The following GALNT13 variants were observed in gnomAD, a reference collection of about 807,000 sequenced individuals.
GALNT13 encodes the protein polypeptide N-acetylgalactosaminyltransferase 13.
GALNT13 carries 28 observed loss-of-function variants against 64.2 expected under a neutral mutation model. The ratio of observed to expected loss-of-function variants is 0.44; its 90% CI spans 0.32 to 0.60. The LOEUF is 0.60. Among genes scored for constraint, GALNT13 ranks in the 20% least tolerant of loss-of-function variants. The pLI is 0.05. For synonymous variants in GALNT13, 214 were observed against 224.6 expected (o/e 0.95, Z 0.42); for missense variants, 577 against 669.8 (o/e 0.86, Z 1.53).
At chr2:153,924,812 T>A (rs943476015) in intron 2 of GALNT13, among the ~76,000 whole-genome samples, 3 of 152,234 alleles carry the variant, frequency 2.0e-5, no homozygotes, top group African/African-American at 7.2e-5. Context: ...TAATGATCCG[T>A]GACGTTGAGC....
At chr2:154,343,564 C>A (rs759452697) in intron 9 of GALNT13, among the ~76,000 whole-genome samples, 1 of 152,028 alleles carries the variant, frequency 6.6e-6, no homozygotes, top group Non-Finnish European at 1.5e-5. Context: ...TTGAAACTTA[C>A]ATCAAGTCAG....
the GALNT13 span, among the ~76,000 whole-genome samples, chr2:153,780,683 A>C: frequency 6.6e-6 from 1 of 152,312 alleles, no homozygotes; most frequent in African/African-American, 2.4e-5. Flanking sequence ...ACTACAGAAT[A>C]CACAATGAAT....
chr2:154,123,223 G>C (rs1338427354), intron 3 of GALNT13, among the ~76,000 whole-genome samples: 1 of 151,992 alleles, frequency 6.6e-6, no homozygotes, highest in East Asian at 1.9e-4. Flanking sequence ...TGGGACTATG[G>C]TGAACAGAAA....
the GALNT13 span, among the ~76,000 whole-genome samples, chr2:153,625,631 A>C: frequency 6.6e-6 from 1 of 152,240 alleles, no homozygotes; most frequent in Non-Finnish European, 1.5e-5. Flanking sequence ...TTTTGGCTCC[A>C]TGCTCCAAGA....
At chr2:153,955,454 C>T (rs1430218551) in intron 3 of GALNT13, among the ~76,000 whole-genome samples, 1 of 151,996 alleles carries the variant, frequency 6.6e-6, no homozygotes. Context: ...TTGCCTTTCC[C>T]AAAATATGGA....
chr2:153,265,840 G>T, the GALNT13 span, among the ~76,000 whole-genome samples: 1 of 152,114 alleles, frequency 6.6e-6, no homozygotes, highest in Non-Finnish European at 1.5e-5. Flanking sequence ...TGACAACAAA[G>T]GATCTAGAAT....
chr2:154,361,402 A>G (rs1697060822), intron 9 of GALNT13, among the ~76,000 whole-genome samples: 1 of 152,108 alleles, frequency 6.6e-6, no homozygotes, highest in African/African-American at 2.4e-5. Flanking sequence ...TAGACGGTCT[A>G]TAATTCTTTC....
intron 4 of GALNT13, chr2:154,236,014 GATTT>G: frequency 8.4e-7 from 1 of 1,187,900 alleles, no homozygotes; most frequent in South Asian, 1.4e-5. Context: ...AGATCAGCTG[GATTT>G]ATTTTTTATA....
the GALNT13 span, among the ~76,000 whole-genome samples, chr2:153,296,892 A>G: frequency 6.6e-6 from 1 of 152,188 alleles, no homozygotes; most frequent in Non-Finnish European, 1.5e-5. Flanking sequence ...ATCACAGGAG[A>G]ACCAAGCAGT....
chr2:153,916,788 A>G lies in GALNT13; in HGVS notation c.-105+15781A>G, dbSNP rs142347899. 3.3e-4 allele frequency among the ~76,000 whole-genome samples: 50 copies of G among 152,334 alleles called. 2 individuals are homozygous for G. The Middle Eastern group carries it at 0.017, about 52-fold the overall frequency. ...AATGACTAATACAGATTGATAGAGT[A>G]CAAAGGCAACTAACCTTGTTTCTCT... On this transcript the variant is annotated intron_variant, in intron 2 of 12. Transcript: ENST00000392825.
chr2:153,814,268 G>A, the GALNT13 span, among the ~76,000 whole-genome samples: 3 of 151,842 alleles, frequency 2.0e-5, no homozygotes, highest in Non-Finnish European at 2.9e-5. Context: ...GTGAAACCCC[G>A]TCTCTACTAT....
At chr2:153,862,113 A>T in the GALNT13 span, among the ~76,000 whole-genome samples, 2 of 152,280 alleles carry the variant, frequency 1.3e-5, no homozygotes, top group South Asian at 4.1e-4. Context: ...AACTTTTCAA[A>T]TTCAATAATC....
the GALNT13 span, among the ~76,000 whole-genome samples, chr2:153,267,333 C>T: frequency 6.6e-6 from 1 of 152,310 alleles, no homozygotes; most frequent in East Asian, 1.9e-4. Flanking sequence ...CTGCATTGCC[C>T]TAGTAGAGGT....
the GALNT13 span, among the ~76,000 whole-genome samples, chr2:153,456,859 A>G: frequency 0.022 from 3,278 of 152,292 alleles, 103 homozygotes; most frequent in African/African-American, 0.074. Flanking sequence ...TGTCTGGATT[A>G]CACATGCGGA....
the GALNT13 span, among the ~76,000 whole-genome samples, chr2:153,485,392 AATT>A: frequency 2.0e-5 from 3 of 152,322 alleles, no homozygotes; most frequent in South Asian, 4.1e-4. Flanking sequence ...TCCAGAATTT[AATT>A]ATTATTTACA....
chr2:154,335,174 T>G (rs1695369525), intron 9 of GALNT13, among the ~76,000 whole-genome samples: 1 of 151,982 alleles, frequency 6.6e-6, no homozygotes, highest in Non-Finnish European at 1.5e-5. Context: ...CTTTATTTAC[T>G]TCTATGTGGT....
the GALNT13 span, among the ~76,000 whole-genome samples, chr2:153,226,186 C>A: frequency 6.6e-6 from 1 of 151,952 alleles, no homozygotes; most frequent in Non-Finnish European, 1.5e-5. Flanking sequence ...CCCACCTCAG[C>A]CTCCCAAAGT....
the GALNT13 span, among the ~76,000 whole-genome samples, chr2:153,116,075 A>G: frequency 6.6e-6 from 1 of 152,184 alleles, no homozygotes; most frequent in African/African-American, 2.4e-5. Flanking sequence ...ACTAAAAAAT[A>G]CCAGAATGTT....
At chr2:154,273,314 G>A (rs1397832048) in intron 8 of GALNT13, among the ~76,000 whole-genome samples, 2 of 152,078 alleles carry the variant, frequency 1.3e-5, no homozygotes, top group Non-Finnish European at 2.9e-5. Context: ...GATTTGCAGG[G>A]GGGAACATTC....
Sources: gnomAD v4.1 joint callset for allele counts (sites outside exome capture counted in the v4.1 genomes callset) on GRCh38, gnomAD v4.1.1 for gene constraint, MANE v1.5 for transcripts, NCBI Gene and HGNC (gene_info 2026-07-23, HGNC 2026-07-21) for gene names.